EPB41L5: variants seen among roughly 807,000 people sequenced by gnomAD.
The protein encoded by EPB41L5 is band 4.1-like protein 5.
Under a neutral mutation model 106.6 loss-of-function variants are expected in EPB41L5, and 55 were observed. That is an observed-to-expected ratio of 0.52 (90% confidence interval 0.42 to 0.65). The LOEUF is 0.65. Among genes scored for constraint, EPB41L5 ranks in the 30% least tolerant of loss-of-function variants. The pLI, the probability that EPB41L5 is intolerant of heterozygous loss-of-function variation, is 0.00. For missense variants in EPB41L5, 871 were observed against 882.1 expected, an observed-to-expected ratio of 0.99 and a Z score of 0.16; for synonymous variants, 297 against 306.7, an observed-to-expected ratio of 0.97 and a Z score of 0.33.
At chr2:120,039,879 A>T (rs1042193311) in intron 2 of EPB41L5, among the ~76,000 whole-genome samples, 5 of 151,596 alleles carry the variant, frequency 3.3e-5, no homozygotes, top group African/African-American at 1.2e-4. Context: ...AAGCTAGAAG[A>T]AGTTGTTTAA....
chr2:120,131,555 C>A, intron 17 of EPB41L5, 63 bp from the exon 18 acceptor site: 1 of 1,134,878 alleles, frequency 8.8e-7, no homozygotes, highest in Non-Finnish European at 1.3e-6. Context: ...ACCATACCCT[C>A]ACACAGCTAG....
chr2:120,125,544 C>T (rs1453400536), intron 16 of EPB41L5, among the ~76,000 whole-genome samples: 1 of 152,214 alleles, frequency 6.6e-6, no homozygotes, highest in African/African-American at 2.4e-5. Context: ...AGTAATCCCC[C>T]ACCACAGAGT....
At chr2:120,063,173 C>G (rs909160643) in intron 3 of EPB41L5, among the ~76,000 whole-genome samples, 2 of 151,646 alleles carry the variant, frequency 1.3e-5, no homozygotes, top group Admixed American at 6.6e-5. Context: ...AAACCTGTCT[C>G]TACTAAAAAT....
rs754611340 is a variant in EPB41L5 at position 120,035,760 on chromosome 2, AG to A, written c.181-6244del. On this transcript the variant is annotated intron_variant, in intron 2 of 24. Coordinates refer to ENST00000263713, the MANE Select transcript of EPB41L5 (RefSeq NM_020909.4). The stretch of plus-strand genomic sequence containing the variant: ...AATTTTAAAAGAAATTCATCCCTGA[AG>A]GAAGTTAAGATCACTCCCAATCATA... Among the ~76,000 whole-genome samples, 8 of 152,340 alleles carry A rather than the reference AG, an allele frequency of 5.3e-5. No homozygotes were observed. In the East Asian group the frequency reaches 1.5e-3, roughly 29 times the overall value.
chr2:120,163,272 CA>C (rs750242607), intron 21 of EPB41L5, among the ~76,000 whole-genome samples: 5 of 106,136 alleles, frequency 4.7e-5, no homozygotes, highest in East Asian at 2.8e-4. Context: ...CCCCCCCCCC[CA>C]AAAAAAGAAA....
At chr2:120,081,668 G>A (rs1355545643) in intron 10 of EPB41L5, among the ~76,000 whole-genome samples, 2 of 152,084 alleles carry the variant, frequency 1.3e-5, no homozygotes, top group African/African-American at 4.8e-5. Context: ...AGCTTGATGG[G>A]GATGGCATTG....
chr2:120,115,830 A>T (rs1684925194), intron 16 of EPB41L5, among the ~76,000 whole-genome samples: 1 of 150,682 alleles, frequency 6.6e-6, no homozygotes, highest in South Asian at 2.1e-4. Flanking sequence ...ATTTTTCGAG[A>T]CAAGAGTCTT....
chr2:120,025,815 G>A (rs1678269470), intron 2 of EPB41L5, among the ~76,000 whole-genome samples: 1 of 152,046 alleles, frequency 6.6e-6, no homozygotes, highest in Non-Finnish European at 1.5e-5. Context: ...ATATTGTAAG[G>A]AACTCTTAAT....
rs895114126 is a variant in EPB41L5 at position 120,105,912 on chromosome 2, A to C, written c.1337+5098A>C. Reference sequence around the variant, plus strand: ...AAAAGGTTTCATGGGTATGTATATCATTAAAAAAAGTACTGTTTCTATAGT... The same window carrying C: ...AAAAGGTTTCATGGGTATGTATATCCTTAAAAAAAGTACTGTTTCTATAGT... On this transcript the variant is annotated intron_variant, in intron 16 of 24. Coordinates refer to ENST00000263713, the MANE Select transcript of EPB41L5 (RefSeq NM_020909.4). The C allele has an allele frequency of 6.1e-6, 6 of 985,144 alleles. No homozygotes were observed. The African/African-American group carries it at 1.0e-4, about 17-fold the overall frequency. 61.0% of individuals were successfully genotyped at this position (985,144 alleles called of 1,614,324 possible). A position where few individuals can be genotyped will look rare whatever the true frequency, so the allele number is the denominator to read the frequency against.
At position 120,073,049 on chromosome 2, in the gene EPB41L5, G is replaced by A. The variant is rs545976678; in HGVS notation, c.286-129G>A. The A allele has an allele frequency of 1.6e-5, 12 of 732,468 alleles. No individual in the cohort carries two copies. The South Asian group carries it at 2.2e-4, about 13-fold the overall frequency. The allele number at this position is 732,468 out of a possible 1,614,324, so 45.4% of individuals were successfully genotyped here. A position where few individuals can be genotyped will look rare whatever the true frequency, so the allele number is the denominator to read the frequency against. On this transcript the variant is annotated intron_variant, in intron 3 of 24. Coordinates refer to ENST00000263713, the MANE Select transcript of EPB41L5 (RefSeq NM_020909.4). ...TCTCACCTCTTTTCTCATTCACTTG[G>A]GTTTTTCTCTTGTGAAGTATTTCCT...
At chr2:120,040,058 T>C (rs900929674) in intron 2 of EPB41L5, among the ~76,000 whole-genome samples, 1 of 149,032 alleles carries the variant, frequency 6.7e-6, no homozygotes, top group Non-Finnish European at 1.5e-5. Flanking sequence ...TTCTGAACTT[T>C]TGTCTGTGCT....
chr2:120,113,706 A>C (rs6725832), intron 16 of EPB41L5, among the ~76,000 whole-genome samples: 96,779 of 152,084 alleles, frequency 0.64, 32,151 homozygotes, highest in Middle Eastern at 0.74. Flanking sequence ...ACACTAATTT[A>C]CTTTGTGTTT....
intron 21 of EPB41L5, among the ~76,000 whole-genome samples, chr2:120,162,201 C>T (rs1244545728): frequency 6.6e-6 from 1 of 152,208 alleles, no homozygotes; most frequent in East Asian, 1.9e-4. Flanking sequence ...GGACCTATCA[C>T]TATCACTAAT....
chr2:120,076,441 CAGGCCATT>C, intron 7 of EPB41L5, among the ~76,000 whole-genome samples: 1 of 145,336 alleles, frequency 6.9e-6, no homozygotes, highest in Admixed American at 7.0e-5. Context: ...GCTGGGTCTA[CAGGCCATT>C]AGGCCTGGCT....
At chr2:120,050,372 T>C (rs1680148424) in intron 3 of EPB41L5, among the ~76,000 whole-genome samples, 1 of 152,164 alleles carries the variant, frequency 6.6e-6, no homozygotes. Flanking sequence ...TCTTTTTATC[T>C]TTTTTCTCTA....
intron 16 of EPB41L5, among the ~76,000 whole-genome samples, chr2:120,103,253 A>T (rs1684254292): frequency 4.6e-5 from 7 of 152,078 alleles, no homozygotes; most frequent in Admixed American, 4.6e-4. Context: ...CAAGACTTTG[A>T]TTTGCTTTCT....
At chr2:120,088,400 A>G (rs1248739385) in intron 11 of EPB41L5, among the ~76,000 whole-genome samples, 1 of 152,188 alleles carries the variant, frequency 6.6e-6, no homozygotes, top group Non-Finnish European at 1.5e-5. Context: ...TTATGAACAC[A>G]AAGAAGGCAA....
rs549976577 is a variant in EPB41L5, at chr2:120,160,872, T to A, written c.1794-9T>A. On this transcript the variant is annotated splice_polypyrimidine_tract_variant and intron_variant, in intron 20 of 24. Coordinates refer to ENST00000263713, the MANE Select transcript of EPB41L5 (RefSeq NM_020909.4). ...CCTACATGATGTGAATTTATCTTTT[T>A]CTTCCTAGTGCTGTGTTAAATGAGA... The A allele has an allele frequency of 6.2e-6, 10 of 1,604,418 alleles. No individual in the cohort carries two copies. The highest frequency in any genetic ancestry group is 8.5e-6 in the Non-Finnish European group (10 of 1,171,318).
intron 19 of EPB41L5, among the ~76,000 whole-genome samples, 173 bp from the exon 20 acceptor site, chr2:120,146,052 G>C (rs547417231): frequency 1.3e-5 from 2 of 152,230 alleles, no homozygotes; most frequent in South Asian, 4.1e-4. Context: ...TTTAGGTATG[G>C]GGTAAGATTG....
Sources: gnomAD v4.1 joint callset for allele counts (sites outside exome capture counted in the v4.1 genomes callset) on GRCh38, gnomAD v4.1.1 for gene constraint, MANE v1.5 for transcripts, NCBI Gene and HGNC (gene_info 2026-07-23, HGNC 2026-07-21) for gene names.